Variants in WDR18 observed in about 807,000 individuals in gnomAD.
WDR18 encodes WD repeat domain 18.
WDR18 carries 33 observed loss-of-function variants against 49.6 expected under a neutral mutation model. The ratio of observed to expected loss-of-function variants is 0.67; its 90% CI spans 0.50 to 0.89. WDR18 has a LOEUF of 0.89. WDR18 is among the 40% of genes least tolerant of loss of function. The pLI is 0.00. For missense variants in WDR18, 653 were observed against 593.6 expected (o/e 1.10, Z -1.04); for synonymous variants, 315 against 263.6 (o/e 1.19, Z -1.89).
chr19:985,743 C>G (rs113489687), intron 1 of WDR18, 122 bp from the exon 2 acceptor site: 1 of 847,736 alleles, frequency 1.2e-6, no homozygotes, highest in Admixed American at 2.2e-5. Context: ...ACCCTGCTCC[C>G]GACTCCTCTT....
Position 990,236 on chromosome 19 carries a change from G to T in WDR18, c.469G>T (p.Asp157Tyr), listed in dbSNP as rs757374909. The T allele has an allele frequency of 2.5e-6, 4 of 1,597,916 alleles. No homozygotes were observed. In the East Asian group the frequency reaches 6.7e-5, roughly 27 times the overall value. The change falls in exon 4 of 10, where the codon GAC becomes TAC. Residue 157 changes from aspartate to tyrosine, a missense_variant. Transcript: ENST00000585809. Reference protein sequence around the residue: ...VWSLCSVLQADPSRIPAPRHV... With the variant: ...VWSLCSVLQAYPSRIPAPRHV... ...CACCCCGCTCAGCGTGCTGCAGGCCGACCCCTCCAGGATTCCGGCGCCCAG... is the reference window on the plus strand; with the variant it reads ...CACCCCGCTCAGCGTGCTGCAGGCCTACCCCTCCAGGATTCCGGCGCCCAG...
intron 5 of WDR18, 28 bp downstream of exon 5, chr19:991,023 C>G (rs1443341283): frequency 6.2e-7 from 1 of 1,600,672 alleles, no homozygotes; most frequent in Admixed American, 1.7e-5. Flanking sequence ...CGGGCTGCAC[C>G]CTGCCCTGGG....
intron 2 of WDR18, among the ~76,000 whole-genome samples, chr19:987,761 GTTC>G (rs1003238946): frequency 2.7e-5 from 4 of 149,996 alleles, no homozygotes; most frequent in African/African-American, 9.9e-5. Context: ...ACCCCTTCCT[GTTC>G]TTGGCTCGGG....
intron 7 of WDR18, 33 bp from the exon 8 acceptor site, chr19:991,922 G>T (rs990694845): frequency 7.4e-6 from 11 of 1,493,778 alleles, no homozygotes; most frequent in Non-Finnish European, 9.7e-6. Context: ...GCCTGGCTGG[G>T]ATGGGGCGGG....
rs1461063332 is a variant in WDR18 at position 984,566 on chromosome 19, G to T, written c.210+3G>T. On this transcript the variant is annotated splice_donor_region_variant and intron_variant, in intron 1 of 9. Coordinates refer to ENST00000585809, the MANE Select transcript of WDR18 (RefSeq NM_024100.4). ...GCGCCTGGGAGCTCCAGCGGAAGGT[G>T]CGGCGGTGCGGTCTCGCTGCTGGGG... is the stretch of plus-strand genomic sequence containing the variant. The T allele has an allele frequency of 2.7e-6, 4 of 1,466,752 alleles. No individual in the cohort carries two copies. In the Admixed American group the frequency reaches 7.1e-5, roughly 26 times the overall value. 90.9% of individuals were successfully genotyped at this position (1,466,752 alleles called of 1,614,324 possible). A position where few individuals can be genotyped will look rare whatever the true frequency, so the allele number is the denominator to read the frequency against.
rs780206349 is a variant in WDR18, at chr19:994,243, G to A, written c.1198G>A (p.Val400Ile). 8.1e-6 allele frequency: 13 copies of A among 1,607,342 alleles called. No homozygotes were observed. The highest frequency in any genetic ancestry group is 6.7e-5 in the East Asian group (3 of 44,742). The change falls in exon 10 of 10, where the codon GTC (valine) becomes ATC (isoleucine). Residue 400 changes from valine to isoleucine, a missense_variant. Val to Ile is a conservative substitution (Grantham distance 29, BLOSUM62 3). Coordinates refer to ENST00000585809, the MANE Select transcript of WDR18 (RefSeq NM_024100.4). Reference protein sequence around the residue: ...SVLGGQDQLRVRVTELEDEVR... With the variant: ...SVLGGQDQLRIRVTELEDEVR... ...GCTCGGCGGCCAGGACCAGCTGCGC[G>A]TCCGTGTGACGGAGCTGGAGGACGA... is the stretch of plus-strand genomic sequence containing the variant.
At position 992,128 on chromosome 19, in the gene WDR18, C is replaced by T. The variant is rs201709237; in HGVS notation, c.1098+7C>T. 21 of 1,453,696 alleles carry T rather than the reference C, an allele frequency of 1.4e-5. No homozygotes were observed. In the African/African-American group the frequency reaches 2.8e-4, roughly 19 times the overall value. 90.0% of individuals were successfully genotyped at this position (1,453,696 alleles called of 1,614,324 possible). ...CCTGGGCCTCCACCAGCAGGTACGG[C>T]CCCCAGCAGGGAACCCCCACTGCCC... On this transcript the variant is annotated splice_region_variant and intron_variant, in intron 8 of 9. Coordinates refer to ENST00000585809, the MANE Select transcript of WDR18 (RefSeq NM_024100.4).
Position 990,814 on chromosome 19 carries a change from C to G in WDR18, c.598-38C>G, listed in dbSNP as rs1311581947. ...TTCCCATGGGGTCCTCGGGTTCCCC[C>G]TGCCGGGCCGAGCCCCACGCCCTTT... On this transcript the variant is annotated intron_variant, in intron 4 of 9. Coordinates refer to ENST00000585809, the MANE Select transcript of WDR18 (RefSeq NM_024100.4). 4 of 1,561,524 alleles carry G rather than the reference C, an allele frequency of 2.6e-6. 1 individual carries two copies. In the Admixed American group the frequency reaches 7.3e-5, roughly 29 times the overall value.
At chr19:994,179 C>G in intron 9 of WDR18, 34 bp from the exon 10 acceptor site, 2 of 1,575,414 alleles carry the variant, frequency 1.3e-6, no homozygotes, top group Non-Finnish European at 1.7e-6. Context: ...CACCCCAGGC[C>G]ACTTCTGCCC....
chr19:991,367 C>T lies in WDR18; in HGVS notation c.931+16C>T. ...GCCCTCAAAGGTGGGCGCGCCTCTG[C>T]TCGGCCCGCGGCCAGCGCGCAGGGG... On this transcript the variant is annotated intron_variant, in intron 7 of 9. Coordinates refer to ENST00000585809, the MANE Select transcript of WDR18 (RefSeq NM_024100.4). 1.3e-6 allele frequency: 2 copies of T among 1,540,640 alleles called. No individual in the cohort carries two copies. The highest frequency in any genetic ancestry group is 4.0e-5 in the Admixed American group (2 of 49,998).
At chr19:991,813 CGGGGCCTGGCTG>C in intron 7 of WDR18, 130 bp from the exon 8 acceptor site, 1 of 799,148 alleles carries the variant, frequency 1.3e-6, no homozygotes, top group Non-Finnish European at 1.6e-6. Flanking sequence ...GGTCGTGGGG[CGGGGCCTGGCTG>C]GGGGCGTGGA....
chr19:984,367 T>C lies in WDR18; in HGVS notation c.14T>C (p.Met5Thr), dbSNP rs1471359548. The C allele has an allele frequency of 1.9e-6, 3 of 1,591,954 alleles. No individual in the cohort carries two copies. Among genetic ancestry groups the C allele is most frequent in the Non-Finnish European group, 2.6e-6 (3 of 1,171,412 alleles). MAAP[M>T]EVAVCTDSAA... ...GGGGAAGGCAAGATGGCGGCGCCCA[T>C]GGAGGTGGCCGTGTGTACGGACTCG... Residue 5 changes from methionine to threonine, a missense_variant, in exon 1 of 10, where the codon ATG (methionine) becomes ACG (threonine). By Grantham distance (81) the Met-to-Thr change is moderately conservative. Coordinates refer to ENST00000585809, the MANE Select transcript of WDR18 (RefSeq NM_024100.4).
chr19:994,442 TCTC>T lies in WDR18; in HGVS notation c.*102_*104del. 1 of 1,466,808 alleles carries T rather than the reference TCTC, an allele frequency of 6.8e-7. No homozygotes were observed. The highest frequency in any genetic ancestry group is 9.1e-7 in the Non-Finnish European group (1 of 1,101,196). The allele number at this position is 1,466,808 out of a possible 1,614,324, so 90.9% of individuals were successfully genotyped here. ...GGCCCCCACCAGCCCAGGCCTGGACTCTCCTCAGTTCTGTGTCGTGTTCGGGTT... is the reference window on the plus strand; with the variant it reads ...GGCCCCCACCAGCCCAGGCCTGGACTCTCAGTTCTGTGTCGTGTTCGGGTT... On this transcript the variant is annotated 3_prime_UTR_variant, in exon 10 of 10. Transcript: ENST00000585809.
In WDR18 at chr19:991,248, A is replaced by C. The variant is rs2038542539; in HGVS notation, c.828A>C (p.Ser276=). The change falls in exon 7 of 10, where the codon TCA becomes TCC. Residue 276 remains serine, a synonymous_variant. Transcript: ENST00000585809. ...CCAGGAACCAGGTGACTTGCCTGTC[A>C]GTGTCCACTGACGGCAGCGTGCTGC... The part of the protein sequence containing the change: ...KGHRNQVTCL[S]VSTDGSVLLS... The C allele has an allele frequency of 1.3e-6, 2 of 1,574,180 alleles. No homozygotes were observed. The highest frequency in any genetic ancestry group is 1.7e-6 in the Non-Finnish European group (2 of 1,158,452).
At chr19:988,729 G>A (rs1325733889) in intron 2 of WDR18, among the ~76,000 whole-genome samples, 1 of 151,988 alleles carries the variant, frequency 6.6e-6, no homozygotes, top group Non-Finnish European at 1.5e-5. Context: ...GTGGTGGCCG[G>A]CACCCCTTGG....
chr19:994,492 C>T lies in WDR18; in HGVS notation c.*148C>T, dbSNP rs1036723638. 32 of 1,188,890 alleles carry T rather than the reference C, an allele frequency of 2.7e-5. No homozygotes were observed. Among genetic ancestry groups the T allele is most frequent in the Non-Finnish European group, 3.6e-5 (31 of 871,744 alleles). The allele number at this position is 1,188,890 out of a possible 1,614,324, so 73.6% of individuals were successfully genotyped here. A position where few individuals can be genotyped will look rare whatever the true frequency, so the allele number is the denominator to read the frequency against. ...GGTTTTTCCTCTGTGACTGGGCCGT[C>T]TTGGTGTCTCGTGGCACGCGTCACA... On this transcript the variant is annotated 3_prime_UTR_variant, in exon 10 of 10. Coordinates refer to ENST00000585809, the MANE Select transcript of WDR18 (RefSeq NM_024100.4).
At position 991,234 on chromosome 19, in the gene WDR18, G is replaced by T; in HGVS notation, c.814G>T (p.Val272Leu). 6.4e-7 allele frequency: 1 copy of T among 1,574,752 alleles called. No individual in the cohort carries two copies. The highest frequency in any genetic ancestry group is 8.6e-7 in the Non-Finnish European group (1 of 1,158,562). Residue 272 changes from valine (V) to leucine (L), a missense_variant, in exon 7 of 10, where the codon GTG (valine) becomes TTG (leucine). Physicochemically the swap from Val to Leu is conservative, Grantham distance 32 (BLOSUM62 1). Coordinates refer to ENST00000585809, the MANE Select transcript of WDR18 (RefSeq NM_024100.4). ...CCCTGTCTGTCTGTCCAGGAACCAG[G>T]TGACTTGCCTGTCAGTGTCCACTGA... ...GKVFKGHRNQVTCLSVSTDGS... is the reference protein window; with the variant it reads ...GKVFKGHRNQLTCLSVSTDGS...
At chr19:990,389 G>T (rs760717253) in intron 4 of WDR18, 25 bp downstream of exon 4, 1 of 1,506,590 alleles carries the variant, frequency 6.6e-7, no homozygotes. Flanking sequence ...CCCCACCACG[G>T]TCCATGAGCG....
In WDR18 at chr19:990,254, G is replaced by T; in HGVS notation, c.487G>T (p.Ala163Ser). The T allele has an allele frequency of 6.3e-7, 1 of 1,598,914 alleles. No homozygotes were observed. Among genetic ancestry groups the T allele is most frequent in the Non-Finnish European group, 8.5e-7 (1 of 1,179,242 alleles). The change falls in exon 4 of 10, where the codon GCG (alanine) becomes TCG (serine). Residue 163 changes from alanine (A) to serine (S), a missense_variant. By Grantham distance (99) the Ala-to-Ser change is moderately conservative. Transcript: ENST00000585809. ...GCAGGCCGACCCCTCCAGGATTCCG[G>T]CGCCCAGGCACGTCTGGTCTCACCA... is the stretch of plus-strand genomic sequence containing the variant. ...VLQADPSRIP[A>S]PRHVWSHHAL...
Sources: allele counts gnomAD v4.1 joint callset (sites outside exome capture counted in the v4.1 genomes callset), GRCh38; gene constraint gnomAD v4.1.1; transcripts MANE v1.5; gene names NCBI Gene and HGNC (gene_info 2026-07-23, HGNC 2026-07-21).